Variants in NBAS observed in about 807,000 individuals in gnomAD.
The protein encoded by NBAS is NAG/BC035112 fusion.
A neutral mutation model predicts 302.5 loss-of-function variants in NBAS; 219 were observed. The ratio of observed to expected loss-of-function variants is 0.72; its 90% CI spans 0.65 to 0.81. The LOEUF is 0.81. Among genes scored for constraint, NBAS ranks in the 30% least tolerant of loss-of-function variants. The pLI is 0.00. For synonymous variants in NBAS, 1,118 were observed against 1,021.6 expected (o/e 1.09, Z -1.80); for missense variants, 2,932 against 2,841.6 (o/e 1.03, Z -0.72).
At chr2:15,159,203 T>C in the NBAS span, among the ~76,000 whole-genome samples, 1 of 152,126 alleles carries the variant, frequency 6.6e-6, no homozygotes, top group Non-Finnish European at 1.5e-5. Flanking sequence ...CCACTGAAGG[T>C]GGGAACTCTG....
chr2:15,552,834 C>A (rs1256121779), intron 5 of NBAS, among the ~76,000 whole-genome samples: 1 of 149,766 alleles, frequency 6.7e-6, no homozygotes, highest in African/African-American at 2.5e-5. Context: ...CGCTCTGTCG[C>A]CAGGCTGGAG....
intron 21 of NBAS, among the ~76,000 whole-genome samples, chr2:15,450,276 C>A (rs1047167255): frequency 6.6e-6 from 1 of 152,180 alleles, no homozygotes; most frequent in Non-Finnish European, 1.5e-5. Context: ...ATTTTGTACT[C>A]TGTGAATAAG....
the NBAS span, among the ~76,000 whole-genome samples, chr2:14,847,509 C>CA: frequency 4.5e-3 from 534 of 118,434 alleles, no homozygotes; most frequent in Non-Finnish European, 4.9e-3. Flanking sequence ...ACATAGATTT[C>CA]AAAAAAAAAA....
chr2:15,061,949 G>A, the NBAS span, among the ~76,000 whole-genome samples: 2 of 152,172 alleles, frequency 1.3e-5, no homozygotes, highest in Non-Finnish European at 2.9e-5. Context: ...AAAGCCAGGG[G>A]TGCAGCATGA....
the NBAS span, among the ~76,000 whole-genome samples, chr2:15,088,060 G>A: frequency 6.6e-6 from 1 of 152,222 alleles, no homozygotes; most frequent in African/African-American, 2.4e-5. Context: ...AGGGTGAGCT[G>A]CACCACATAA....
chr2:14,956,346 C>A, the NBAS span, among the ~76,000 whole-genome samples: 2 of 152,142 alleles, frequency 1.3e-5, no homozygotes, highest in African/African-American at 4.8e-5. Flanking sequence ...CAAGGAAGTT[C>A]CAAACTTTCC....
At chr2:15,448,972 A>G (rs1175864899) in intron 21 of NBAS, among the ~76,000 whole-genome samples, 2 of 152,220 alleles carry the variant, frequency 1.3e-5, no homozygotes, top group South Asian at 2.1e-4. Flanking sequence ...CTATGTAAGA[A>G]GCACACATTC....
At chr2:15,451,041 T>C (rs898297035) in intron 21 of NBAS, among the ~76,000 whole-genome samples, 1 of 152,118 alleles carries the variant, frequency 6.6e-6, no homozygotes. Flanking sequence ...CATTCATTCA[T>C]TCATTCATCC....
At chr2:15,034,252 G>GAAAGAA in the NBAS span, among the ~76,000 whole-genome samples, 1 of 94,236 alleles carries the variant, frequency 1.1e-5, no homozygotes, top group Non-Finnish European at 2.2e-5. Flanking sequence ...AAGAAAGAAA[G>GAAAGAA]AAAGAAAGAA....
At chr2:15,175,336 G>A (rs988282376) in intron 51 of NBAS, among the ~76,000 whole-genome samples, 1 of 152,164 alleles carries the variant, frequency 6.6e-6, no homozygotes, top group Non-Finnish European at 1.5e-5. Flanking sequence ...CCTGGGATGA[G>A]GGGTTGCATA....
chr2:15,131,632 C>T, the NBAS span, among the ~76,000 whole-genome samples: 1 of 152,008 alleles, frequency 6.6e-6, no homozygotes, highest in East Asian at 1.9e-4. Flanking sequence ...TTTTAGGGTA[C>T]ATGTGCACAA....
At chr2:15,012,990 T>C in the NBAS span, among the ~76,000 whole-genome samples, 1 of 152,316 alleles carries the variant, frequency 6.6e-6, no homozygotes, top group Admixed American at 6.5e-5. Flanking sequence ...CCCAAGTAGC[T>C]GGGATTACTG....
At chr2:15,437,116 C>T (rs1406306813) in intron 21 of NBAS, among the ~76,000 whole-genome samples, 1 of 152,022 alleles carries the variant, frequency 6.6e-6, no homozygotes, top group African/African-American at 2.4e-5. Context: ...TCCACCCATG[C>T]CATCAACAAC....
At chr2:15,187,200 A>G (rs572791235) in intron 49 of NBAS, among the ~76,000 whole-genome samples, 1 of 152,174 alleles carries the variant, frequency 6.6e-6, no homozygotes, top group Non-Finnish European at 1.5e-5. Context: ...GCCTAGTTGT[A>G]TGGTTCTGGG....
At chr2:15,332,310 A>G (rs892720554) in intron 35 of NBAS, among the ~76,000 whole-genome samples, 6 of 152,342 alleles carry the variant, frequency 3.9e-5, no homozygotes, top group African/African-American at 1.4e-4. Context: ...TTTCTGTCAC[A>G]TGGGAATGGT....
the NBAS span, among the ~76,000 whole-genome samples, chr2:14,881,893 C>T: frequency 6.6e-6 from 1 of 152,108 alleles, no homozygotes; most frequent in Admixed American, 6.5e-5. Context: ...AAGAGAATTA[C>T]TGGGGAACCT....
At chr2:15,400,357 AAAAC>A (rs1224213760) in intron 26 of NBAS, among the ~76,000 whole-genome samples, 2 of 152,194 alleles carry the variant, frequency 1.3e-5, no homozygotes, top group East Asian at 3.8e-4. Context: ...CAATCCAGGA[AAAAC>A]AGAGAGTTGT....
At chr2:15,151,935 C>A in the NBAS span, among the ~76,000 whole-genome samples, 6 of 152,134 alleles carry the variant, frequency 3.9e-5, no homozygotes, top group African/African-American at 1.4e-4. Context: ...GCAACCTCCG[C>A]CTCCTGGGTT....
At chr2:15,077,586 T>G in the NBAS span, among the ~76,000 whole-genome samples, 92,569 of 152,044 alleles carry the variant, frequency 0.61, 30,302 homozygotes, top group African/African-American at 0.87. Context: ...TCATGTAATA[T>G]AGGGAGATGT....
Sources: allele counts gnomAD v4.1 joint callset (sites outside exome capture counted in the v4.1 genomes callset), GRCh38; gene constraint gnomAD v4.1.1; transcripts MANE v1.5; gene names NCBI Gene and HGNC (gene_info 2026-07-23, HGNC 2026-07-21).